Variants in PLCB1 observed in about 807,000 individuals in gnomAD.
PLCB1 encodes phospholipase C beta 1.
PLCB1 carries 46 observed loss-of-function variants against 161.8 expected under a neutral mutation model. That is an observed-to-expected ratio of 0.28 (90% CI 0.22 to 0.36). PLCB1 has a LOEUF of 0.36. PLCB1 is among the 10% of genes least tolerant of loss of function. The probability of loss-of-function intolerance (pLI) is 1.00; values close to 1 mark genes in which losing one functional copy is unlikely to be tolerated. For missense variants in PLCB1, 1,016 were observed against 1,472.5 expected (o/e 0.69, Z 5.07); for synonymous variants, 517 against 503.7 (o/e 1.03, Z -0.35).
chr20:8,393,329 C>G (rs1486035580), intron 3 of PLCB1, among the ~76,000 whole-genome samples: 1 of 151,954 alleles, frequency 6.6e-6, no homozygotes, highest in Non-Finnish European at 1.5e-5. Context: ...TTATCAAAAC[C>G]AAAACTCACT....
At position 8,421,762 on chromosome 20, in the gene PLCB1, G is replaced by A. The variant is rs370086768; in HGVS notation, c.246+50312G>A. On this transcript the variant is annotated intron_variant, in intron 3 of 31. Transcript: ENST00000338037. The stretch of plus-strand genomic sequence containing the variant: ...CCTGCTTAACATATGGTCCTTAGAC[G>A]AACGGCATCAGCATCACCAAGGGCT... Among the ~76,000 whole-genome samples, 9 of 152,156 alleles carry A rather than the reference G, an allele frequency of 5.9e-5. 1 individual carries two copies. The highest frequency in any genetic ancestry group is 2.1e-4 in the South Asian group (1 of 4,818).
At chr20:8,296,086 A>G (rs1359148535) in intron 2 of PLCB1, among the ~76,000 whole-genome samples, 1 of 152,174 alleles carries the variant, frequency 6.6e-6, no homozygotes, top group Non-Finnish European at 1.5e-5. Context: ...ATATTAAGAT[A>G]GTCACTGCAA....
At chr20:8,394,442 G>C (rs994349163) in intron 3 of PLCB1, among the ~76,000 whole-genome samples, 13 of 152,124 alleles carry the variant, frequency 8.5e-5, no homozygotes, top group African/African-American at 2.2e-4. Flanking sequence ...GTTCATGGGA[G>C]TTGACTTTTA....
chr20:8,817,430 G>T (rs967649037), intron 31 of PLCB1, among the ~76,000 whole-genome samples: 1 of 152,050 alleles, frequency 6.6e-6, no homozygotes, highest in Non-Finnish European at 1.5e-5. Context: ...GTCCTCACTG[G>T]GGGGTTTGAA....
At chr20:8,267,354 C>G (rs892109812) in intron 2 of PLCB1, among the ~76,000 whole-genome samples, 1 of 152,132 alleles carries the variant, frequency 6.6e-6, no homozygotes, top group Non-Finnish European at 1.5e-5. Context: ...TGCGGGGTAG[C>G]CTGTCTGACA....
intron 4 of PLCB1, among the ~76,000 whole-genome samples, chr20:8,645,303 A>T (rs1470898398): frequency 7.8e-6 from 1 of 127,516 alleles, no homozygotes; most frequent in Non-Finnish European, 1.6e-5. Context: ...AGAATGATCA[A>T]TAAAAAAAAA....
intron 2 of PLCB1, among the ~76,000 whole-genome samples, chr20:8,226,845 G>A (rs1352817167): frequency 7.2e-5 from 11 of 151,856 alleles, no homozygotes; most frequent in Non-Finnish European, 1.5e-4. Context: ...CTGCCACTGC[G>A]TCTGGCTAAT....
intron 3 of PLCB1, among the ~76,000 whole-genome samples, chr20:8,497,105 T>C (rs1006814110): frequency 6.6e-6 from 1 of 152,202 alleles, no homozygotes; most frequent in Non-Finnish European, 1.5e-5. Flanking sequence ...TTGATAAATA[T>C]ACATGAGATG....
At chr20:8,600,939 A>G (rs1004061002) in intron 3 of PLCB1, among the ~76,000 whole-genome samples, 3 of 152,128 alleles carry the variant, frequency 2.0e-5, no homozygotes, top group African/African-American at 2.4e-5. Flanking sequence ...AAGTGAGGCA[A>G]TGCCTCGCCC....
intron 4 of PLCB1, among the ~76,000 whole-genome samples, chr20:8,643,679 GGA>G (rs1989028317): frequency 6.6e-6 from 1 of 151,926 alleles, no homozygotes; most frequent in African/African-American, 2.4e-5. Flanking sequence ...CACGAGGTCG[GGA>G]GATCGAGACC....
At chr20:8,224,322 C>T (rs1305788683) in intron 2 of PLCB1, among the ~76,000 whole-genome samples, 1 of 152,146 alleles carries the variant, frequency 6.6e-6, no homozygotes, top group African/African-American at 2.4e-5. Flanking sequence ...AACAGTTCAG[C>T]ACCCACAGGG....
chr20:8,465,916 C>T (rs1047925599), intron 3 of PLCB1, among the ~76,000 whole-genome samples: 34 of 150,542 alleles, frequency 2.3e-4, no homozygotes, highest in Admixed American at 6.6e-4. Context: ...GTCAGTGTGG[C>T]GATTCCTCAG....
chr20:8,148,329 T>G (rs1467281610), intron 1 of PLCB1, among the ~76,000 whole-genome samples: 1 of 128,696 alleles, frequency 7.8e-6, no homozygotes, highest in African/African-American at 2.8e-5. Context: ...AATTAGTCTT[T>G]CATTATAATA....
At chr20:8,471,371 T>C (rs796473839) in intron 3 of PLCB1, among the ~76,000 whole-genome samples, 5 of 152,294 alleles carry the variant, frequency 3.3e-5, no homozygotes, top group African/African-American at 1.2e-4. Flanking sequence ...TTGTGTTCTG[T>C]GGAACACACT....
At chr20:8,782,934 T>C (rs549725763) in intron 27 of PLCB1, among the ~76,000 whole-genome samples, 1 of 152,168 alleles carries the variant, frequency 6.6e-6, no homozygotes, top group East Asian at 1.9e-4. Context: ...CCACATATTT[T>C]TTATCCCTTT....
chr20:8,446,721 G>A (rs1980849937), intron 3 of PLCB1, among the ~76,000 whole-genome samples: 1 of 152,154 alleles, frequency 6.6e-6, no homozygotes, highest in Admixed American at 6.6e-5. Flanking sequence ...GAAAAATCAA[G>A]GTGAGTATTA....
At chr20:8,172,674 C>A (rs1356412066) in intron 2 of PLCB1, among the ~76,000 whole-genome samples, 1 of 152,154 alleles carries the variant, frequency 6.6e-6, no homozygotes, top group Non-Finnish European at 1.5e-5. Flanking sequence ...GACTTCTGAT[C>A]TATACAAGAT....
At chr20:8,869,423 T>G (rs2146322947) in intron 31 of PLCB1, among the ~76,000 whole-genome samples, 1 of 152,304 alleles carries the variant, frequency 6.6e-6, no homozygotes, top group South Asian at 2.1e-4. Flanking sequence ...GGCCAGGAAC[T>G]CACATATTAG....
chr20:8,444,097 T>A (rs1419915140), intron 3 of PLCB1, among the ~76,000 whole-genome samples: 4 of 152,152 alleles, frequency 2.6e-5, no homozygotes, highest in Admixed American at 2.0e-4. Flanking sequence ...TGTGCAGGTT[T>A]GTTACATATG....
Sources: allele counts gnomAD v4.1 joint callset (sites outside exome capture counted in the v4.1 genomes callset), GRCh38; gene constraint gnomAD v4.1.1; transcripts MANE v1.5; gene names NCBI Gene and HGNC (gene_info 2026-07-23, HGNC 2026-07-21).